Variants in CACNA2D1 observed in about 807,000 individuals in gnomAD.
CACNA2D1 encodes the protein voltage-dependent calcium channel subunit alpha-2/delta-1.
CACNA2D1 carries 53 observed loss-of-function variants against 171.5 expected under a neutral mutation model. That is an observed-to-expected ratio of 0.31 (90% confidence interval 0.25 to 0.39). The LOEUF (loss-of-function observed/expected upper bound fraction) is 0.39. Among genes scored for constraint, CACNA2D1 ranks in the 10% least tolerant of loss-of-function variants. CACNA2D1 has a pLI of 1.00. For synonymous variants in CACNA2D1, 442 were observed against 443.1 expected, an observed-to-expected ratio of 1.00 and a Z score of 0.03; for missense variants, 903 against 1,299.8, an observed-to-expected ratio of 0.69 and a Z score of 4.69.
At chr7:82,183,902 C>T (rs990699139) in intron 3 of CACNA2D1, among the ~76,000 whole-genome samples, 1 of 152,166 alleles carries the variant, frequency 6.6e-6, no homozygotes, top group African/African-American at 2.4e-5. Context: ...CCACCACCCA[C>T]ACTCTGACTC....
intron 2 of CACNA2D1, 39 bp downstream of exon 2, chr7:82,349,529 T>C (rs1819609433): frequency 6.8e-7 from 1 of 1,469,918 alleles, no homozygotes. Context: ...TTCGAATTAA[T>C]GAAAAGATTA....
intron 4 of CACNA2D1, among the ~76,000 whole-genome samples, chr7:82,166,879 G>A (rs1795510884): frequency 6.6e-6 from 1 of 152,086 alleles, no homozygotes; most frequent in Non-Finnish European, 1.5e-5. Flanking sequence ...CTGAGAGAGA[G>A]TGTGAATTGC....
intron 3 of CACNA2D1, among the ~76,000 whole-genome samples, chr7:82,281,028 TACTAA>T (rs1203293422): frequency 6.6e-6 from 1 of 152,194 alleles, no homozygotes; most frequent in Non-Finnish European, 1.5e-5. Flanking sequence ...TTAAGGAATT[TACTAA>T]ACTGGAGAAC....
intron 6 of CACNA2D1, among the ~76,000 whole-genome samples, chr7:82,097,750 A>G (rs1812070268): frequency 6.6e-6 from 1 of 152,178 alleles, no homozygotes; most frequent in East Asian, 1.9e-4. Context: ...TTCAGTGACA[A>G]TTCAAAATAT....
intron 10 of CACNA2D1, among the ~76,000 whole-genome samples, chr7:82,059,195 A>G (rs188127996): frequency 6.6e-6 from 1 of 152,242 alleles, no homozygotes; most frequent in Non-Finnish European, 1.5e-5. Context: ...TCACATCTCT[A>G]TGAATATATT....
intron 1 of CACNA2D1, among the ~76,000 whole-genome samples, chr7:82,364,065 C>G (rs918318894): frequency 6.6e-6 from 1 of 152,064 alleles, no homozygotes; most frequent in Admixed American, 6.6e-5. Flanking sequence ...AAAACCCTGT[C>G]TCTACGAAGA....
chr7:82,103,226 T>G (rs1385434809), intron 6 of CACNA2D1, among the ~76,000 whole-genome samples: 1 of 152,060 alleles, frequency 6.6e-6, no homozygotes, highest in Non-Finnish European at 1.5e-5. Context: ...GAGAATCGCG[T>G]GAACCAGGAG....
intron 3 of CACNA2D1, among the ~76,000 whole-genome samples, chr7:82,177,075 T>TC (rs1356409527): frequency 3.3e-5 from 5 of 149,558 alleles, no homozygotes; most frequent in Admixed American, 6.7e-5. Flanking sequence ...TCTATTTTTT[T>TC]TTTTTTTTTT....
At chr7:82,421,354 C>T (rs1828698620) in intron 1 of CACNA2D1, among the ~76,000 whole-genome samples, 2 of 152,126 alleles carry the variant, frequency 1.3e-5, no homozygotes, top group African/African-American at 2.4e-5. Flanking sequence ...AAATAATTAC[C>T]TTTTAAAAAA....
intron 3 of CACNA2D1, among the ~76,000 whole-genome samples, chr7:82,174,003 A>G (rs1412480486): frequency 4.3e-5 from 6 of 140,112 alleles, no homozygotes. Context: ...TGATGGTACC[A>G]CTGCACTGCA....
chr7:82,257,360 T>G (rs1806428815), intron 3 of CACNA2D1, among the ~76,000 whole-genome samples: 1 of 152,214 alleles, frequency 6.6e-6, no homozygotes, highest in African/African-American at 2.4e-5. Flanking sequence ...ATTACCCCTG[T>G]CTTGACACTG....
rs145790691 is a variant in CACNA2D1 at position 82,103,968 on chromosome 7, CCAT to C, written c.526+13073_526+13075del. On this transcript the variant is annotated intron_variant, in intron 6 of 38. Transcript: ENST00000356860. ...AGGCTGCATATTCATAACTTGAAGG[CCAT>C]CAAAGTGAATAATTTCATATTCAAA... Among the ~76,000 whole-genome samples the C allele has an allele frequency of 7.9e-3, 1,207 of 151,986 alleles. 25 individuals carry two copies. Among genetic ancestry groups the C allele is most frequent in the African/African-American group, 0.028 (1,149 of 41,512 alleles).
intron 3 of CACNA2D1, among the ~76,000 whole-genome samples, chr7:82,304,190 T>G (rs1423716226): frequency 6.6e-6 from 1 of 152,022 alleles, no homozygotes. Context: ...GGACAAAATG[T>G]AATAGATGCT....
At chr7:81,975,272 TA>T (rs1795719993) in intron 24 of CACNA2D1, among the ~76,000 whole-genome samples, 1 of 152,172 alleles carries the variant, frequency 6.6e-6, no homozygotes, top group East Asian at 1.9e-4. Context: ...ATTTAGACAA[TA>T]AAAAAGCCCA....
intron 1 of CACNA2D1, among the ~76,000 whole-genome samples, chr7:82,426,436 A>G (rs1829197119): frequency 6.6e-6 from 1 of 152,128 alleles, no homozygotes; most frequent in Non-Finnish European, 1.5e-5. Context: ...GCTCAGATAC[A>G]AATTCTTGAA....
At chr7:82,102,057 C>A (rs1035827217) in intron 6 of CACNA2D1, among the ~76,000 whole-genome samples, 3 of 152,058 alleles carry the variant, frequency 2.0e-5, no homozygotes, top group African/African-American at 7.2e-5. Context: ...AAATCAATTT[C>A]TCCTCCAACC....
intron 4 of CACNA2D1, among the ~76,000 whole-genome samples, chr7:82,140,682 G>A (rs930830216): frequency 3.9e-5 from 6 of 152,112 alleles, no homozygotes; most frequent in South Asian, 2.1e-4. Context: ...TTGGCTGGGC[G>A]CGGTGGCTCA....
chr7:81,986,850 C>T (rs1369884622), intron 21 of CACNA2D1, among the ~76,000 whole-genome samples: 1 of 152,112 alleles, frequency 6.6e-6, no homozygotes, highest in African/African-American at 2.4e-5. Context: ...GATTCACTTG[C>T]CATTTACAAA....
chr7:81,998,447 A>G (rs1364118884), intron 18 of CACNA2D1, among the ~76,000 whole-genome samples: 4 of 152,060 alleles, frequency 2.6e-5, no homozygotes, highest in Admixed American at 2.6e-4. Context: ...AGTTGCAATA[A>G]GTAAAAATGT....
Sources: allele counts gnomAD v4.1 joint callset (sites outside exome capture counted in the v4.1 genomes callset), GRCh38; gene constraint gnomAD v4.1.1; transcripts MANE v1.5; gene names NCBI Gene and HGNC (gene_info 2026-07-23, HGNC 2026-07-21).